The following CDH17 variants were observed in gnomAD, a reference collection of about 807,000 sequenced individuals.
CDH17 encodes cadherin-17.
Under a neutral mutation model 86.3 loss-of-function variants are expected in CDH17, and 67 were observed. The observed-to-expected ratio is 0.78, with a 90% confidence interval of 0.64 to 0.95. The LOEUF (loss-of-function observed/expected upper bound fraction) is 0.95. Ranked by LOEUF, CDH17 falls within the 40% of genes least tolerant of loss-of-function variation. The pLI is 0.00. For synonymous variants in CDH17, 367 were observed against 366.4 expected, an observed-to-expected ratio of 1.00 and a Z score of -0.02; for missense variants, 993 against 1,017.6, an observed-to-expected ratio of 0.98 and a Z score of 0.33.
At chr8:94,130,400 C>T (rs1812388560) in intron 17 of CDH17, among the ~76,000 whole-genome samples, 1 of 152,056 alleles carries the variant, frequency 6.6e-6, no homozygotes, top group African/African-American at 2.4e-5. Context: ...ACCATAAAGC[C>T]CCTTATATTT....
chr8:94,180,812 G>A (rs555905249), intron 3 of CDH17, among the ~76,000 whole-genome samples: 3 of 152,004 alleles, frequency 2.0e-5, no homozygotes, highest in South Asian at 2.1e-4. Context: ...GGAGAATAGC[G>A]TGAACCCAGA....
At position 94,170,852 on chromosome 8, in the gene CDH17, A is replaced by G; in HGVS notation, c.915+2T>C. 1 of 1,612,260 alleles carries G rather than the reference A, an allele frequency of 6.2e-7. No individual in the cohort carries two copies. Among genetic ancestry groups the G allele is most frequent in the Admixed American group, 1.7e-5 (1 of 59,814 alleles). Reference sequence around the variant, plus strand: ...CCTGTGAAACTCTTCTCTTTTACTCACTGCATCCTTTTCTTCTCGGTCCAA... The same window carrying G: ...CCTGTGAAACTCTTCTCTTTTACTCGCTGCATCCTTTTCTTCTCGGTCCAA... On this transcript the variant is annotated splice_donor_variant, in intron 8 of 17. Coordinates refer to ENST00000027335, the MANE Select transcript of CDH17 (RefSeq NM_004063.4). LOFTEE classifies it high-confidence loss of function.
chr8:94,202,286 C>A (rs1223854938), intron 1 of CDH17: 1 of 152,478 alleles, frequency 6.6e-6, no homozygotes, highest in African/African-American at 2.4e-5. Flanking sequence ...TCTCATGCCT[C>A]AGCCTCTCAA....
chr8:94,192,604 T>A (rs1377956735), intron 2 of CDH17, among the ~76,000 whole-genome samples: 1 of 152,122 alleles, frequency 6.6e-6, no homozygotes, highest in East Asian at 1.9e-4. Flanking sequence ...GCCTTCCAGG[T>A]CAAAGGACAT....
rs568839710 is a variant in CDH17 at position 94,137,303 on chromosome 8, T to G, written c.2168-6311A>C. On this transcript the variant is annotated intron_variant, in intron 15 of 17. Transcript: ENST00000027335. ...TTGAGCTGCTGTAGCCTCCACCCCA[T>G]TTGAGCTTCCCAGCCGCTTTACCTA... Among the ~76,000 whole-genome samples, 125 of 152,268 alleles carry G rather than the reference T, an allele frequency of 8.2e-4. 1 individual carries two copies. Among genetic ancestry groups the G allele is most frequent in the African/African-American group, 2.9e-3 (120 of 41,564 alleles).
chr8:94,151,906 GC>G lies in CDH17; in HGVS notation c.1757del (p.Gly586AlafsTer3), dbSNP rs746725283. On this transcript the variant is annotated frameshift_variant, in exon 13 of 18. Transcript: ENST00000027335. LOFTEE classifies it high-confidence loss of function. ...CTTCTGGATCCTTGGCAGTCACATT[GC>G]CCACTTTAGTGCCTATAGCTACATC... ...SEDVAIGTKV[G>X]NVTAKDPEGL... is the part of the protein sequence containing the mutation. 8 of 1,614,138 alleles carry G rather than the reference GC, an allele frequency of 5.0e-6. No homozygotes were observed. The highest frequency in any genetic ancestry group is 6.8e-6 in the Non-Finnish European group (8 of 1,180,016).
Position 94,128,182 on chromosome 8 carries a change from G to A in CDH17, c.*58C>T. 1.9e-6 allele frequency: 2 copies of A among 1,027,930 alleles called. No individual in the cohort carries two copies. Among genetic ancestry groups the A allele is most frequent in the Non-Finnish European group, 3.1e-6 (2 of 650,642 alleles). 63.7% of individuals were successfully genotyped at this position (1,027,930 alleles called of 1,614,324 possible). A position where few individuals can be genotyped will look rare whatever the true frequency, so the allele number is the denominator to read the frequency against. On this transcript the variant is annotated 3_prime_UTR_variant, in exon 18 of 18. Transcript: ENST00000027335. Reference sequence around the variant, plus strand: ...CACGTTAGATGAAAAGTAATAGGATGAGATGGTTGTTGCTGAAATAGCACT... The same window carrying A: ...CACGTTAGATGAAAAGTAATAGGATAAGATGGTTGTTGCTGAAATAGCACT...
Position 94,202,257 on chromosome 8 carries a change from G to A in CDH17, c.-21+6226C>T, listed in dbSNP as rs184949091. ...CCATCTCAGCTCACTGCAACCTCCAGCTCCCAGGTTCAAGTGATTCTCATG... is the reference window on the plus strand; with the variant it reads ...CCATCTCAGCTCACTGCAACCTCCAACTCCCAGGTTCAAGTGATTCTCATG... On this transcript the variant is annotated intron_variant, in intron 1 of 17. Transcript: ENST00000027335. 933 of 151,616 alleles carry A rather than the reference G, an allele frequency of 6.2e-3. 11 individuals carry two copies. Among genetic ancestry groups the A allele is most frequent in the Non-Finnish European group, 7.5e-3 (510 of 68,140 alleles). 9.4% of individuals were successfully genotyped at this position (151,616 alleles called of 1,614,324 possible). A position where few individuals can be genotyped will look rare whatever the true frequency, so the allele number is the denominator to read the frequency against.
intron 1 of CDH17, among the ~76,000 whole-genome samples, chr8:94,197,844 A>AG (rs1356251981): frequency 1.5e-3 from 230 of 149,966 alleles, no homozygotes; most frequent in Non-Finnish European, 1.6e-3. Flanking sequence ...AAAAAAAAAA[A>AG]AAAAGAAAAA....
chr8:94,140,124 T>C (rs1040133438), intron 15 of CDH17, among the ~76,000 whole-genome samples: 1 of 151,900 alleles, frequency 6.6e-6, no homozygotes, highest in South Asian at 2.1e-4. Context: ...GAAAACACAA[T>C]GTATCAAATT....
intron 1 of CDH17, among the ~76,000 whole-genome samples, chr8:94,198,422 G>A (rs1322209915): frequency 6.6e-6 from 1 of 152,090 alleles, no homozygotes; most frequent in Non-Finnish European, 1.5e-5. Context: ...TCAGATTCTA[G>A]CATATTGCAA....
At chr8:94,146,391 CA>C (rs1445708882) in intron 14 of CDH17, among the ~76,000 whole-genome samples, 2 of 152,190 alleles carry the variant, frequency 1.3e-5, no homozygotes, top group African/African-American at 4.8e-5. Context: ...TATATTACTT[CA>C]AAATAATTGT....
intron 1 of CDH17, among the ~76,000 whole-genome samples, chr8:94,201,403 A>C (rs1813909326): frequency 6.6e-6 from 1 of 152,238 alleles, no homozygotes. Flanking sequence ...TAACGAAGTT[A>C]AAATGAGGTT....
At chr8:94,179,176 G>A (rs115126094) in intron 3 of CDH17, among the ~76,000 whole-genome samples, 1,730 of 152,144 alleles carry the variant, frequency 0.011, 29 homozygotes, top group African/African-American at 0.039. Context: ...GGTGAGAAGC[G>A]TTTGTAGCTT....
chr8:94,134,822 C>T (rs1050053639), intron 15 of CDH17, among the ~76,000 whole-genome samples: 1 of 152,210 alleles, frequency 6.6e-6, no homozygotes, highest in African/African-American at 2.4e-5. Context: ...CCTCTACACA[C>T]TGCTTTAAAT....
At chr8:94,160,987 C>A (rs1265493155) in intron 11 of CDH17, among the ~76,000 whole-genome samples, 2 of 152,138 alleles carry the variant, frequency 1.3e-5, no homozygotes, top group Non-Finnish European at 2.9e-5. Context: ...ACTGAAAATC[C>A]CCCAGATTAT....
chr8:94,166,241 A>G (rs1813153261), intron 9 of CDH17, among the ~76,000 whole-genome samples: 2 of 152,222 alleles, frequency 1.3e-5, no homozygotes, highest in Non-Finnish European at 1.5e-5. Context: ...GAAGTCTGCA[A>G]TCAAGGTGTT....
intron 15 of CDH17, 147 bp downstream of exon 15, chr8:94,145,781 C>T: frequency 2.4e-6 from 2 of 834,566 alleles, no homozygotes; most frequent in Non-Finnish European, 1.8e-6. Flanking sequence ...CTCTGGAGTC[C>T]TTCCCTGTAC....
In CDH17 at chr8:94,170,460, CATT is replaced by C. The variant is rs1394800665; in HGVS notation, c.1000_1002del (p.Asn334del). The C allele has an allele frequency of 1.9e-6, 3 of 1,613,426 alleles. No homozygotes were observed. The highest frequency in any genetic ancestry group is 1.7e-6 in the Non-Finnish European group (2 of 1,179,656). On this transcript the variant is annotated inframe_deletion, in exon 9 of 18. Coordinates refer to ENST00000027335, the MANE Select transcript of CDH17 (RefSeq NM_004063.4). ...GGTGACGGACATGTAGGTGGATTATCATTAATATCTTTAACTTTTACATGAATT... is the reference window on the plus strand; with the variant it reads ...GGTGACGGACATGTAGGTGGATTATCAATATCTTTAACTTTTACATGAATT...
Sources: allele counts gnomAD v4.1 joint callset (sites outside exome capture counted in the v4.1 genomes callset), GRCh38; gene constraint gnomAD v4.1.1; transcripts MANE v1.5; gene names NCBI Gene and HGNC (gene_info 2026-07-23, HGNC 2026-07-21).